TECPR2: variants seen among roughly 807,000 people sequenced by gnomAD.
TECPR2 encodes tectonin beta-propeller repeat containing 2, also known as tectonin beta-propeller repeat-containing protein 2.
In TECPR2, 65 loss-of-function variants were observed where a neutral mutation model predicts 138.1. That is an observed-to-expected ratio of 0.47 (90% confidence interval 0.39 to 0.58). The LOEUF is 0.58. TECPR2 is among the 20% of genes least tolerant of loss of function. TECPR2 has a pLI of 0.00. For synonymous variants in TECPR2, 746 were observed against 749.8 expected, an observed-to-expected ratio of 0.99 and a Z score of 0.08; for missense variants, 1,553 against 1,824.5, an observed-to-expected ratio of 0.85 and a Z score of 2.71.
At position 102,435,209 on chromosome 14, in the gene TECPR2, C is replaced by G; in HGVS notation, c.2392C>G (p.Gln798Glu). The G allele has an allele frequency of 6.2e-7, 1 of 1,602,048 alleles. No individual in the cohort carries two copies. The highest frequency in any genetic ancestry group is 8.5e-7 in the Non-Finnish European group (1 of 1,172,996). ...GGACGCCGGGCTGCTCAAGCCAGATCAGGTATGTGGGTTCGGGTGGTGGGA... is the reference window on the plus strand; with the variant it reads ...GGACGCCGGGCTGCTCAAGCCAGATGAGGTATGTGGGTTCGGGTGGTGGGA... ...AEDAGLLKPD[Q>E]FAESWMGYSG... Residue 798 changes from glutamine to glutamate, a missense_variant and splice_region_variant, in exon 9 of 20, where the codon CAG (glutamine) becomes GAG (glutamate). By Grantham distance (29) the Gln-to-Glu change is conservative. Coordinates refer to ENST00000359520, the MANE Select transcript of TECPR2 (RefSeq NM_014844.5).
rs924399753 is a variant in TECPR2, at chr14:102,443,925, G to C, written c.2933+98G>C. The C allele has an allele frequency of 1.6e-6, 2 of 1,219,060 alleles. No individual in the cohort carries two copies. The highest frequency in any genetic ancestry group is 2.2e-6 in the Non-Finnish European group (2 of 905,388). The allele number at this position is 1,219,060 out of a possible 1,614,324, so 75.5% of individuals were successfully genotyped here. Reference sequence around the variant, plus strand: ...AGGCACCATGAGGCCGTTCCTGGGAGGCAGCACCTGCAGCCTCCATGGCTA... The same window carrying C: ...AGGCACCATGAGGCCGTTCCTGGGACGCAGCACCTGCAGCCTCCATGGCTA... On this transcript the variant is annotated intron_variant, in intron 12 of 19. Transcript: ENST00000359520. The surrounding 1 kb of genome is among the most constrained non-coding windows in gnomAD (Gnocchi z 4.9).
intron 5 of TECPR2, among the ~76,000 whole-genome samples, chr14:102,417,825 T>C (rs1330931857): frequency 3.6e-5 from 4 of 110,052 alleles, no homozygotes; most frequent in Non-Finnish European, 7.3e-5. Flanking sequence ...GGCATGGGAG[T>C]CCAGGGGAGC....
chr14:102,479,212 A>G (rs918443439), intron 17 of TECPR2, among the ~76,000 whole-genome samples: 14 of 152,116 alleles, frequency 9.2e-5, no homozygotes, highest in East Asian at 1.9e-4. Context: ...TTGAGACTCA[A>G]TGGGCATTTT....
intron 16 of TECPR2, among the ~76,000 whole-genome samples, chr14:102,459,481 G>T (rs1021047921): frequency 6.6e-6 from 1 of 152,134 alleles, no homozygotes; most frequent in African/African-American, 2.4e-5. Flanking sequence ...GAAGATGTTA[G>T]GTTATAAAAA....
In TECPR2 at chr14:102,496,980, C is replaced by A. The variant is rs760298134; in HGVS notation, c.3791C>A (p.Pro1264His). ...CTGAAAGTCCCTTCCCGCTTCCAGC[C>A]CGCCGGGGTCAGCTTGGTCAGCGTC... ...AWIMIEPPVQ[P>H]AGVSLVSVHS... The change falls in exon 18 of 20, where the codon CCC becomes CAC. Residue 1264 changes from proline to histidine, a missense_variant and splice_region_variant. Pro to His is a moderately conservative substitution (Grantham distance 77). Transcript: ENST00000359520. 1.2e-6 allele frequency: 2 copies of A among 1,613,672 alleles called. No individual in the cohort carries two copies. The highest frequency in any genetic ancestry group is 1.7e-6 in the Non-Finnish European group (2 of 1,179,818).
At chr14:102,368,442 T>G (rs7157051) in intron 1 of TECPR2, among the ~76,000 whole-genome samples, 141,726 of 152,224 alleles carry the variant, frequency 0.93, 66,568 homozygotes, top group Middle Eastern at 1. Context: ...CTGGGTTCAA[T>G]CGATCTTCCC....
Position 102,415,642 on chromosome 14 carries a change from G to T in TECPR2, c.638+849G>T, listed in dbSNP as rs1206880967. On this transcript the variant is annotated intron_variant, in intron 5 of 19. Coordinates refer to ENST00000359520, the MANE Select transcript of TECPR2 (RefSeq NM_014844.5). This position sits in a 1 kb window ranked among gnomAD's most constrained non-coding sequence, Gnocchi z 4.3. ...GGAGGAGGTAGACTGGGGCCAACGT[G>T]GGGGTGGGAAGCAGAGGGCGGCATT... Among the ~76,000 whole-genome samples the T allele has an allele frequency of 1.3e-5, 2 of 152,128 alleles. No individual in the cohort carries two copies. The highest frequency in any genetic ancestry group is 2.9e-5 in the Non-Finnish European group (2 of 68,028).
At chr14:102,465,078 T>A in intron 16 of TECPR2, 63 bp from the exon 17 acceptor site, 2 of 1,572,176 alleles carry the variant, frequency 1.3e-6, no homozygotes, top group South Asian at 2.3e-5. Flanking sequence ...GTTCATAGAT[T>A]AGATGAAAGA....
At chr14:102,479,780 A>G (rs1359350265) in intron 17 of TECPR2, among the ~76,000 whole-genome samples, 1 of 152,048 alleles carries the variant, frequency 6.6e-6, no homozygotes, top group Non-Finnish European at 1.5e-5. Context: ...CCTTGATCCA[A>G]CCTCACTGAG....
At chr14:102,390,483 G>C (rs1283076381) in intron 2 of TECPR2, among the ~76,000 whole-genome samples, 1 of 152,108 alleles carries the variant, frequency 6.6e-6, no homozygotes, top group African/African-American at 2.4e-5. Context: ...ATGGCTCCCT[G>C]GCTAGAATAA....
At chr14:102,396,838 T>C (rs2038361840) in intron 2 of TECPR2, among the ~76,000 whole-genome samples, 1 of 152,178 alleles carries the variant, frequency 6.6e-6, no homozygotes, top group Non-Finnish European at 1.5e-5. Context: ...CCTCTAAATA[T>C]TTGGGGTCTG....
chr14:102,462,610 G>A (rs1383007035), intron 16 of TECPR2, among the ~76,000 whole-genome samples: 1 of 152,144 alleles, frequency 6.6e-6, no homozygotes, highest in Non-Finnish European at 1.5e-5. Flanking sequence ...GTGCAAGGGT[G>A]GTACCTCCCG....
intron 17 of TECPR2, among the ~76,000 whole-genome samples, chr14:102,483,984 AC>A (rs1890961451): frequency 6.9e-5 from 3 of 43,188 alleles, no homozygotes; most frequent in African/African-American, 1.2e-4. Flanking sequence ...TTCAGTAGAG[AC>A]AAGGTTTCAC....
intron 17 of TECPR2, among the ~76,000 whole-genome samples, chr14:102,480,227 T>TC: frequency 6.6e-6 from 1 of 151,772 alleles, no homozygotes; most frequent in South Asian, 2.1e-4. Flanking sequence ...TTTTTTTTTT[T>TC]TTTATTGATT....
intron 17 of TECPR2, among the ~76,000 whole-genome samples, chr14:102,468,374 G>C (rs1046991161): frequency 2.0e-5 from 3 of 150,424 alleles, no homozygotes; most frequent in Admixed American, 6.6e-5. Context: ...TTTTAGTAGA[G>C]ATGGGGGTTT....
intron 4 of TECPR2, 148 bp downstream of exon 4, chr14:102,408,767 A>G: frequency 1.0e-6 from 1 of 966,278 alleles, no homozygotes; most frequent in Non-Finnish European, 1.5e-6. Context: ...ACTTTTATAG[A>G]CTTATGTTTT....
intron 2 of TECPR2, among the ~76,000 whole-genome samples, chr14:102,404,696 C>T (rs1888606550): frequency 6.6e-6 from 1 of 151,808 alleles, no homozygotes; most frequent in Non-Finnish European, 1.5e-5. Flanking sequence ...CCTGCCTCAG[C>T]CTCCCGAGTA....
Position 102,407,460 on chromosome 14 carries a change from T to C in TECPR2, c.342T>C (p.Asn114=). The change falls in exon 3 of 20, where the codon AAT becomes AAC. Residue 114 remains asparagine (N), a synonymous_variant. Transcript: ENST00000359520. ...FQLVSSLPGR[N]KQLRRFDVTG... ...TTGTATCTTCATTGCCAGGGAGAAATAAACAGGTGAGTACTCATGATCTTA... is the reference window on the plus strand; with the variant it reads ...TTGTATCTTCATTGCCAGGGAGAAACAAACAGGTGAGTACTCATGATCTTA... 1 of 1,612,344 alleles carries C rather than the reference T, an allele frequency of 6.2e-7. No individual in the cohort carries two copies.
chr14:102,374,757 C>T (rs2139654294), intron 1 of TECPR2, among the ~76,000 whole-genome samples: 1 of 152,234 alleles, frequency 6.6e-6, no homozygotes, highest in Admixed American at 6.5e-5. Flanking sequence ...TTGTGAACTC[C>T]TGGTCTCAAG....
Sources: gnomAD v4.1 joint callset for allele counts (sites outside exome capture counted in the v4.1 genomes callset) on GRCh38, gnomAD v4.1.1 for gene constraint, Gnocchi (gnomAD v3.1) non-coding constraint, MANE v1.5 for transcripts, NCBI Gene and HGNC (gene_info 2026-07-23, HGNC 2026-07-21) for gene names.